MACROD2: variants seen among roughly 807,000 people sequenced by gnomAD.
MACROD2 encodes mono-ADP ribosylhydrolase 2.
Under a neutral mutation model 70.4 loss-of-function variants are expected in MACROD2, and 36 were observed. The observed-to-expected ratio is 0.51, with a 90% CI of 0.39 to 0.68. The LOEUF (loss-of-function observed/expected upper bound fraction) is 0.68. Ranked by LOEUF, MACROD2 falls within the 30% of genes least tolerant of loss-of-function variation. The pLI is 0.00. For missense variants in MACROD2, 496 were observed against 538.4 expected (o/e 0.92, Z 0.78); for synonymous variants, 172 against 178.8 (o/e 0.96, Z 0.30).
At chr20:14,390,413 C>T (rs751054990) in intron 3 of MACROD2, among the ~76,000 whole-genome samples, 4 of 152,068 alleles carry the variant, frequency 2.6e-5, no homozygotes, top group Non-Finnish European at 4.4e-5. Context: ...TTATTTGAAA[C>T]CAAAAAAGAG....
At chr20:15,384,913 AC>A (rs1444062388) in intron 6 of MACROD2, among the ~76,000 whole-genome samples, 1 of 151,722 alleles carries the variant, frequency 6.6e-6, no homozygotes, top group Non-Finnish European at 1.5e-5. Context: ...ACACAATAAG[AC>A]CCCCCTCCTT....
At chr20:16,045,819 C>T (rs564134542) in intron 17 of MACROD2, among the ~76,000 whole-genome samples, 162 of 152,048 alleles carry the variant, frequency 1.1e-3, no homozygotes, top group African/African-American at 3.7e-3. Flanking sequence ...TATCACTGGA[C>T]GGGGGCAGCG....
chr20:15,965,189 G>A (rs1186834409), intron 12 of MACROD2, among the ~76,000 whole-genome samples: 1 of 152,034 alleles, frequency 6.6e-6, no homozygotes, highest in East Asian at 1.9e-4. Flanking sequence ...ATGGTATCTT[G>A]GACGCAATGA....
At chr20:15,181,056 A>C (rs188756199) in intron 5 of MACROD2, among the ~76,000 whole-genome samples, 2 of 152,148 alleles carry the variant, frequency 1.3e-5, no homozygotes, top group Non-Finnish European at 2.9e-5. Context: ...TTGTCCCTCT[A>C]TATACAGGGG....
intron 5 of MACROD2, chr20:14,904,841 A>G (rs1290198973): frequency 6.6e-6 from 1 of 152,218 alleles, no homozygotes; most frequent in Admixed American, 6.5e-5. Context: ...TATGCATATT[A>G]TATGTATAGT....
At chr20:15,859,989 G>A (rs916765279) in intron 8 of MACROD2, among the ~76,000 whole-genome samples, 1 of 152,078 alleles carries the variant, frequency 6.6e-6, no homozygotes, top group African/African-American at 2.4e-5. Context: ...CAAAAAATTA[G>A]CCGGGCATGG....
chr20:14,133,972 C>T (rs1000371638), intron 3 of MACROD2, among the ~76,000 whole-genome samples: 1 of 152,236 alleles, frequency 6.6e-6, no homozygotes, highest in Non-Finnish European at 1.5e-5. Flanking sequence ...CTAGAGATAA[C>T]TCTGAAGGGC....
chr20:15,879,425 A>G (rs892495420), intron 9 of MACROD2, among the ~76,000 whole-genome samples: 1 of 152,128 alleles, frequency 6.6e-6, no homozygotes, highest in Non-Finnish European at 1.5e-5. Context: ...ACATAGAATA[A>G]TGTTGAACTA....
chr20:14,574,579 T>G (rs932216658), intron 4 of MACROD2, among the ~76,000 whole-genome samples: 19 of 152,096 alleles, frequency 1.2e-4, no homozygotes, highest in African/African-American at 4.6e-4. Flanking sequence ...ACATTAATGA[T>G]GTACACAAAA....
intron 4 of MACROD2, among the ~76,000 whole-genome samples, chr20:14,672,638 A>T (rs938665759): frequency 2.6e-5 from 4 of 152,180 alleles, no homozygotes; most frequent in African/African-American, 7.2e-5. Context: ...ATGTTATCTC[A>T]TTCAATTCTC....
chr20:14,045,143 C>A (rs1601152857), intron 2 of MACROD2, among the ~76,000 whole-genome samples: 1 of 152,256 alleles, frequency 6.6e-6, no homozygotes, highest in African/African-American at 2.4e-5. Context: ...GCACGTAGCC[C>A]CGGTTCCCGC....
rs181996263 is a variant in MACROD2 at position 14,088,410 on chromosome 20, G to T, written c.271+2682G>T. On this transcript the variant is annotated intron_variant, in intron 3 of 17. Coordinates refer to ENST00000684519, the MANE Select transcript of MACROD2 (RefSeq NM_001351661.2). ...CATCAATATATATAGACACATAAAAGATATATATTTATACTCACATATGAT... is the reference window on the plus strand; with the variant it reads ...CATCAATATATATAGACACATAAAATATATATATTTATACTCACATATGAT... Among the ~76,000 whole-genome samples, 9 of 148,554 alleles carry T rather than the reference G, an allele frequency of 6.1e-5. 1 individual carries two copies. Among genetic ancestry groups the T allele is most frequent in the Admixed American group, 4.7e-4 (7 of 14,858 alleles).
intron 3 of MACROD2, among the ~76,000 whole-genome samples, chr20:14,429,295 G>A (rs1466993411): frequency 6.6e-6 from 1 of 151,936 alleles, no homozygotes; most frequent in African/African-American, 2.4e-5. Flanking sequence ...GATTTCTGTG[G>A]CCTTTAAATG....
At chr20:15,069,869 G>A (rs1482863074) in intron 5 of MACROD2, among the ~76,000 whole-genome samples, 1 of 152,190 alleles carries the variant, frequency 6.6e-6, no homozygotes, top group Non-Finnish European at 1.5e-5. Context: ...AAAATGTGGG[G>A]TTGGAGCTAC....
intron 10 of MACROD2, among the ~76,000 whole-genome samples, chr20:15,897,757 C>T (rs2064995694): frequency 2.6e-5 from 4 of 152,124 alleles, no homozygotes; most frequent in Admixed American, 1.3e-4. Flanking sequence ...TTAATTAACA[C>T]ATAAAATACC....
intron 5 of MACROD2, among the ~76,000 whole-genome samples, chr20:14,804,274 A>G (rs576880647): frequency 6.6e-6 from 1 of 151,972 alleles, no homozygotes; most frequent in Non-Finnish European, 1.5e-5. Context: ...ATTGTTTCAT[A>G]TAATTGTAAT....
At chr20:15,010,973 C>T (rs867885599) in intron 5 of MACROD2, among the ~76,000 whole-genome samples, 10 of 152,146 alleles carry the variant, frequency 6.6e-5, no homozygotes, top group African/African-American at 2.4e-4. Flanking sequence ...GTGACATCCT[C>T]AAAGCATGCT....
At chr20:14,395,492 C>A (rs2083571683) in intron 3 of MACROD2, among the ~76,000 whole-genome samples, 1 of 151,736 alleles carries the variant, frequency 6.6e-6, no homozygotes, top group Non-Finnish European at 1.5e-5. Flanking sequence ...TTTTCATGAT[C>A]AGTTGGCTAG....
At chr20:14,990,954 C>A (rs2074898275) in intron 5 of MACROD2, among the ~76,000 whole-genome samples, 1 of 152,124 alleles carries the variant, frequency 6.6e-6, no homozygotes, top group Non-Finnish European at 1.5e-5. Context: ...ATTATTTTTG[C>A]TCCAGGAAGA....
Sources: gnomAD v4.1 joint callset for allele counts (sites outside exome capture counted in the v4.1 genomes callset) on GRCh38, gnomAD v4.1.1 for gene constraint, MANE v1.5 for transcripts, NCBI Gene and HGNC (gene_info 2026-07-23, HGNC 2026-07-21) for gene names.